The following XIRP2 variants were observed in gnomAD, a reference collection of about 807,000 sequenced individuals.
XIRP2 encodes xin actin-binding repeat-containing protein 2.
XIRP2 carries 236 observed loss-of-function variants against 277.0 expected under a neutral mutation model. That is an observed-to-expected ratio of 0.85 (90% CI 0.77 to 0.95). XIRP2 has a LOEUF of 0.95. Among genes scored for constraint, XIRP2 ranks in the 40% least tolerant of loss-of-function variants. The probability of loss-of-function intolerance (pLI) is 0.00; values close to 1 mark genes in which losing one functional copy is unlikely to be tolerated. For synonymous variants in XIRP2, 1,490 were observed against 1,416.5 expected, an observed-to-expected ratio of 1.05 and a Z score of -1.17; for missense variants, 4,640 against 4,157.5, an observed-to-expected ratio of 1.12 and a Z score of -3.19.
chr2:167,157,818 C>T (rs1246810414), intron 3 of XIRP2, among the ~76,000 whole-genome samples: 1 of 151,898 alleles, frequency 6.6e-6, no homozygotes, highest in African/African-American at 2.4e-5. Flanking sequence ...AGCCCATGCA[C>T]TGATACAAGA....
Position 167,251,019 on chromosome 2 carries a change from G to C in XIRP2, c.9627G>C (p.Glu3209Asp). The C allele has an allele frequency of 6.2e-7, 1 of 1,613,660 alleles. No homozygotes were observed. Among genetic ancestry groups the C allele is most frequent in the African/African-American group, 1.3e-5 (1 of 74,990 alleles). Reference protein sequence around the residue: ...CPAATPVPIVEKRSEIIMSPA... With the variant: ...CPAATPVPIVDKRSEIIMSPA... Reference sequence around the variant, plus strand: ...CAGCAACCCCGGTTCCAATTGTAGAGAAGAGGTCTGAAATCATCATGTCTC... The same window carrying C: ...CAGCAACCCCGGTTCCAATTGTAGACAAGAGGTCTGAAATCATCATGTCTC... The change falls in exon 9 of 11, where the codon GAG becomes GAC. Residue 3209 changes from glutamate to aspartate, a missense_variant. Glu to Asp is a conservative substitution (Grantham distance 45). Coordinates refer to ENST00000409195, the MANE Select transcript of XIRP2 (RefSeq NM_152381.6).
At chr2:167,086,385 T>A (rs2105268998) in intron 2 of XIRP2, among the ~76,000 whole-genome samples, 1 of 152,320 alleles carries the variant, frequency 6.6e-6, no homozygotes, top group Non-Finnish European at 1.5e-5. Context: ...ATTTTTTCCT[T>A]CATTTCGACT....
Position 167,243,044 on chromosome 2 carries a change from A to G in XIRP2, c.1652A>G (p.Asp551Gly), listed in dbSNP as rs760928362. Residue 551 changes from aspartate (D) to glycine (G), a missense_variant, in exon 9 of 11, where the codon GAC becomes GGC. Transcript: ENST00000409195. ...QARYVFENTN[D>G]SSQKDLNSER... ...CGGTATGTTTTTGAAAACACAAATG[A>G]CAGTTCTCAAAAAGATCTGAACTCA... The G allele has an allele frequency of 1.2e-6, 2 of 1,614,076 alleles. No homozygotes were observed. The highest frequency in any genetic ancestry group is 2.2e-5 in the South Asian group (2 of 91,078).
At chr2:166,917,897 A>AT (rs995835710) in intron 2 of XIRP2, among the ~76,000 whole-genome samples, 8 of 152,062 alleles carry the variant, frequency 5.3e-5, no homozygotes, top group Non-Finnish European at 1.0e-4. Flanking sequence ...GTAAGTGACT[A>AT]TTTTTTTCCT....
intron 2 of XIRP2, among the ~76,000 whole-genome samples, chr2:166,974,880 T>C (rs957182107): frequency 2.0e-5 from 3 of 151,756 alleles, no homozygotes; most frequent in Non-Finnish European, 4.4e-5. Context: ...CAACTATGAG[T>C]TGTCTAAATG....
At position 167,218,239 on chromosome 2, in the gene XIRP2, T is replaced by C; in HGVS notation, c.797T>C (p.Ile266Thr). The C allele has an allele frequency of 6.2e-7, 1 of 1,608,502 alleles. No homozygotes were observed. ...GTGAAGAAACAATTTGAGGACGAAA[T>C]TACTTCTTCCCGTAATACCTTTGCT... Reference protein sequence around the residue: ...AKVKKQFEDEITSSRNTFAQY... With the variant: ...AKVKKQFEDETTSSRNTFAQY... The change falls in exon 5 of 11, where the codon ATT (isoleucine) becomes ACT (threonine). Residue 266 changes from isoleucine (I) to threonine (T), a missense_variant. Physicochemically the swap from Ile to Thr is moderately conservative, Grantham distance 89. Transcript: ENST00000409195.
chr2:166,980,307 G>T (rs1025028697), intron 2 of XIRP2, among the ~76,000 whole-genome samples: 1 of 152,036 alleles, frequency 6.6e-6, no homozygotes, highest in African/African-American at 2.4e-5. Flanking sequence ...GGACAGAGTA[G>T]TTGGGTCATG....
chr2:166,975,930 C>CAAAAAAAAAAAAA lies in XIRP2; in HGVS notation c.408+72059_408+72071dup, dbSNP rs550529718. On this transcript the variant is annotated intron_variant, in intron 2 of 10. Transcript: ENST00000409195. ...TGGGTGACAGAGCGAGACTCCGTCT[C>CAAAAAAAAAAAAA]AAAAAAAAAAAAAAAAAAAAAAAAA... Among the ~76,000 whole-genome samples, 55 of 45,712 alleles carry CAAAAAAAAAAAAA rather than the reference C, an allele frequency of 1.2e-3. 4 individuals are homozygous for CAAAAAAAAAAAAA. The highest frequency in any genetic ancestry group is 1.7e-3 in the Non-Finnish European group (40 of 23,768). 30.0% of individuals were successfully genotyped at this position (45,712 alleles called of 152,430 possible).
chr2:167,117,958 A>T (rs1690941186), intron 2 of XIRP2, among the ~76,000 whole-genome samples: 1 of 152,214 alleles, frequency 6.6e-6, no homozygotes. Flanking sequence ...TCTGACCAAA[A>T]TTCTGAGACA....
At chr2:167,154,001 T>A (rs1290601049) in intron 3 of XIRP2, among the ~76,000 whole-genome samples, 1 of 150,250 alleles carries the variant, frequency 6.7e-6, no homozygotes, top group African/African-American at 2.5e-5. Flanking sequence ...TCCACAATGG[T>A]TGAACTAGTT....
Position 167,258,696 on chromosome 2 carries a change from ATC to A in XIRP2, c.*881_*882del, listed in dbSNP as rs1361953159. 6.2e-7 allele frequency: 1 copy of A among 1,613,056 alleles called. No homozygotes were observed. The highest frequency in any genetic ancestry group is 2.2e-5 in the East Asian group (1 of 44,820). On this transcript the variant is annotated 3_prime_UTR_variant, in exon 11 of 11. Coordinates refer to ENST00000409195, the MANE Select transcript of XIRP2 (RefSeq NM_152381.6). The stretch of plus-strand genomic sequence containing the variant: ...AATAACAATTATGTAGCAGTCTCAT[ATC>A]TGAATAATTGCAGGCAGAAGACATC...
intron 3 of XIRP2, among the ~76,000 whole-genome samples, chr2:167,191,255 A>C (rs2105366670): frequency 6.6e-6 from 1 of 152,110 alleles, no homozygotes; most frequent in South Asian, 2.1e-4. Context: ...TTGCTAACAC[A>C]AAGACCTCAG....
intron 2 of XIRP2, among the ~76,000 whole-genome samples, chr2:167,015,319 T>G (rs1687790483): frequency 6.6e-6 from 1 of 151,880 alleles, no homozygotes; most frequent in African/African-American, 2.4e-5. Flanking sequence ...CTTTGAGGTG[T>G]CTTCAATATT....
chr2:167,237,589 AT>A (rs1331815057), intron 5 of XIRP2, among the ~76,000 whole-genome samples: 1 of 152,158 alleles, frequency 6.6e-6, no homozygotes, highest in Admixed American at 6.6e-5. Context: ...AGCAGAAAAA[AT>A]TTTTTATTTT....
rs28785605 is a variant in XIRP2 at position 167,024,289 on chromosome 2, T to C, written c.409-111620T>C. 1.3e-3 allele frequency among the ~76,000 whole-genome samples: 203 copies of C among 152,266 alleles called. 2 individuals are homozygous for C. The highest frequency in any genetic ancestry group is 3.7e-3 in the African/African-American group (154 of 41,546). On this transcript the variant is annotated intron_variant, in intron 2 of 10. Coordinates refer to ENST00000409195, the MANE Select transcript of XIRP2 (RefSeq NM_152381.6). ...TGGTGTATAAGAATGCTTGTGATTT[T>C]TGTACATTGATTTTATATCCTGAGA...
At chr2:167,012,738 G>A (rs1034116546) in intron 2 of XIRP2, among the ~76,000 whole-genome samples, 1 of 151,416 alleles carries the variant, frequency 6.6e-6, no homozygotes, top group Non-Finnish European at 1.5e-5. Flanking sequence ...TCTCCTTTTA[G>A]TGCTTTTCTT....
chr2:167,035,594 G>A (rs1035776000), intron 2 of XIRP2, among the ~76,000 whole-genome samples: 1 of 152,152 alleles, frequency 6.6e-6, no homozygotes, highest in Non-Finnish European at 1.5e-5. Context: ...AAGGCATTAA[G>A]TTTTATAAGG....
Position 167,157,193 on chromosome 2 carries a change from A to T in XIRP2, c.562+21131A>T, listed in dbSNP as rs16853103. Among the ~76,000 whole-genome samples, 487 of 152,214 alleles carry T rather than the reference A, an allele frequency of 3.2e-3. 2 individuals carry two copies. The highest frequency in any genetic ancestry group is 0.011 in the African/African-American group (466 of 41,550). On this transcript the variant is annotated intron_variant, in intron 3 of 10. Transcript: ENST00000409195. ...ACATTCAAATGAAGTTCTTGAAAGA[A>T]GTGTTTGTCATGAGAGAGCTCAGTG...
intron 2 of XIRP2, among the ~76,000 whole-genome samples, chr2:167,043,785 T>C (rs1390627088): frequency 1.3e-5 from 2 of 152,038 alleles, no homozygotes; most frequent in Non-Finnish European, 2.9e-5. Flanking sequence ...GTACCAAGTT[T>C]ACTGAAATTA....
Sources: allele counts gnomAD v4.1 joint callset (sites outside exome capture counted in the v4.1 genomes callset), GRCh38; gene constraint gnomAD v4.1.1; transcripts MANE v1.5; gene names NCBI Gene and HGNC (gene_info 2026-07-23, HGNC 2026-07-21).